The following EXOC4 variants were observed in gnomAD, a reference collection of about 807,000 sequenced individuals.
EXOC4 encodes exocyst complex component 4.
Under a neutral mutation model 107.2 loss-of-function variants are expected in EXOC4, and 71 were observed. That is an observed-to-expected ratio of 0.66 (90% CI 0.55 to 0.81). The LOEUF is 0.81. EXOC4 is among the 30% of genes least tolerant of loss of function. The pLI is 0.00. For missense variants in EXOC4, 1,108 were observed against 1,189.6 expected (o/e 0.93, Z 1.01); for synonymous variants, 456 against 441.2 (o/e 1.03, Z -0.42).
chr7:133,604,634 C>T (rs1801886051), intron 9 of EXOC4, among the ~76,000 whole-genome samples: 1 of 151,068 alleles, frequency 6.6e-6, no homozygotes, highest in South Asian at 2.1e-4. Flanking sequence ...TGGTACTGCT[C>T]CTTCAGCTCT....
chr7:133,524,820 C>G (rs1353362388), intron 9 of EXOC4, among the ~76,000 whole-genome samples: 1 of 152,152 alleles, frequency 6.6e-6, no homozygotes, highest in Non-Finnish European at 1.5e-5. Context: ...GGTACCAGCA[C>G]CATACCTTTC....
At chr7:133,435,341 C>A (rs992301005) in intron 7 of EXOC4, among the ~76,000 whole-genome samples, 1 of 150,348 alleles carries the variant, frequency 6.7e-6, no homozygotes, top group Non-Finnish European at 1.5e-5. Context: ...TCTTTTTTTT[C>A]CTTGCTTTTT....
the EXOC4 span, among the ~76,000 whole-genome samples, chr7:134,099,050 G>T: frequency 6.6e-6 from 1 of 152,148 alleles, no homozygotes; most frequent in African/African-American, 2.4e-5. Context: ...GAGTTGAACT[G>T]TGTCCTCCGC....
chr7:133,484,124 A>G (rs1034741178), intron 9 of EXOC4: 71 of 1,611,058 alleles, frequency 4.4e-5, no homozygotes, highest in East Asian at 2.9e-4. Flanking sequence ...TCCTGCCAAC[A>G]TTTTCAATTT....
At chr7:133,567,307 C>G (rs1251686404) in intron 9 of EXOC4, among the ~76,000 whole-genome samples, 1 of 151,592 alleles carries the variant, frequency 6.6e-6, no homozygotes, top group Non-Finnish European at 1.5e-5. Context: ...ACATTATGAA[C>G]ACTGTTCTGA....
chr7:133,347,234 G>A (rs1355843941), intron 5 of EXOC4, among the ~76,000 whole-genome samples: 2 of 149,186 alleles, frequency 1.3e-5, no homozygotes, highest in Admixed American at 1.3e-4. Flanking sequence ...ATATATAGAC[G>A]TAAACTATAC....
intron 10 of EXOC4, among the ~76,000 whole-genome samples, chr7:133,684,598 G>T (rs1028655076): frequency 3.3e-5 from 5 of 152,194 alleles, no homozygotes; most frequent in East Asian, 1.9e-4. Context: ...TCCTGGCAAG[G>T]TTGAGTGCTA....
intron 10 of EXOC4, among the ~76,000 whole-genome samples, chr7:133,728,935 G>T (rs1214084323): frequency 6.6e-6 from 1 of 152,038 alleles, no homozygotes; most frequent in African/African-American, 2.4e-5. Flanking sequence ...AATGCAAAAC[G>T]CAGTCTCCTC....
At chr7:133,584,271 G>A (rs1801344687) in intron 9 of EXOC4, among the ~76,000 whole-genome samples, 1 of 152,130 alleles carries the variant, frequency 6.6e-6, no homozygotes, top group Non-Finnish European at 1.5e-5. Flanking sequence ...AGTAAGAATA[G>A]CAAAGACTTG....
intron 6 of EXOC4, among the ~76,000 whole-genome samples, chr7:133,372,160 G>T (rs1222911976): frequency 1.3e-5 from 2 of 152,110 alleles, no homozygotes; most frequent in East Asian, 1.9e-4. Flanking sequence ...CTCATTTTAT[G>T]TATTGCCTTT....
chr7:133,296,792 A>G (rs1429977988), intron 3 of EXOC4, among the ~76,000 whole-genome samples: 1 of 152,060 alleles, frequency 6.6e-6, no homozygotes, highest in African/African-American at 2.4e-5. Flanking sequence ...GAGGTTCAGC[A>G]ATTTCCATTT....
At chr7:133,991,367 A>C (rs887123161) in intron 14 of EXOC4, among the ~76,000 whole-genome samples, 2 of 152,098 alleles carry the variant, frequency 1.3e-5, no homozygotes, top group Non-Finnish European at 2.9e-5. Flanking sequence ...CCAGGTATAT[A>C]CTTTGAAAAT....
intron 10 of EXOC4, among the ~76,000 whole-genome samples, chr7:133,709,645 CTTTT>C (rs147956984): frequency 0.38 from 44,593 of 118,592 alleles, 7,711 homozygotes; most frequent in Admixed American, 0.53. Context: ...AATCTGTTTT[CTTTT>C]TTTTTTTTTT....
chr7:133,810,869 G>T (rs931329668), intron 10 of EXOC4, among the ~76,000 whole-genome samples: 1 of 151,948 alleles, frequency 6.6e-6, no homozygotes, highest in Non-Finnish European at 1.5e-5. Context: ...TCCTGACCTC[G>T]TGATCTGCCT....
chr7:133,585,266 T>A (rs1290457190), intron 9 of EXOC4, among the ~76,000 whole-genome samples: 1 of 152,238 alleles, frequency 6.6e-6, no homozygotes. Flanking sequence ...AGTGACGGAC[T>A]TTCCTAAACT....
At chr7:133,807,038 C>T (rs1004265508) in intron 10 of EXOC4, among the ~76,000 whole-genome samples, 3 of 151,986 alleles carry the variant, frequency 2.0e-5, no homozygotes, top group South Asian at 2.1e-4. Flanking sequence ...AAATGCAGAT[C>T]GAAAATACAG....
intron 10 of EXOC4, among the ~76,000 whole-genome samples, chr7:133,730,425 ATTTC>A (rs1348002166): frequency 6.6e-5 from 10 of 151,888 alleles, no homozygotes; most frequent in Non-Finnish European, 1.3e-4. Context: ...AATTTTCATT[ATTTC>A]TTTCTAACAG....
intron 10 of EXOC4, among the ~76,000 whole-genome samples, chr7:133,774,180 C>T (rs891018302): frequency 3.9e-5 from 6 of 152,066 alleles, no homozygotes; most frequent in African/African-American, 1.2e-4. Flanking sequence ...GGATTGTAGG[C>T]CATTAACATC....
chr7:134,037,660 G>T (rs1467691220), intron 17 of EXOC4, among the ~76,000 whole-genome samples: 1 of 152,112 alleles, frequency 6.6e-6, no homozygotes, highest in African/African-American at 2.4e-5. Context: ...TTTAGAAGGG[G>T]ATTATCCGCA....
Sources: gnomAD v4.1 joint callset for allele counts (sites outside exome capture counted in the v4.1 genomes callset) on GRCh38, gnomAD v4.1.1 for gene constraint, MANE v1.5 for transcripts, NCBI Gene and HGNC (gene_info 2026-07-23, HGNC 2026-07-21) for gene names.